NAGA: variants seen among roughly 807,000 people sequenced by gnomAD.
NAGA encodes the protein Acetylgalactosaminidase, alpha-N- (alpha-galactosidase B).
A neutral mutation model predicts 45.6 loss-of-function variants in NAGA; 42 were observed. The observed-to-expected ratio is 0.92, with a 90% CI of 0.72 to 1.19. The LOEUF is 1.19. Ranked by LOEUF, NAGA falls within the 50% of genes most tolerant of loss-of-function variation. The pLI is 0.00. For missense variants in NAGA, 493 were observed against 544.8 expected (o/e 0.90, Z 0.95); for synonymous variants, 176 against 203.1 (o/e 0.87, Z 1.13).
At chr22:42,066,643 T>C in intron 5 of NAGA, 67 bp downstream of exon 5, 1 of 1,443,320 alleles carries the variant, frequency 6.9e-7, no homozygotes, top group South Asian at 1.2e-5. Flanking sequence ...CCCTGAAGCC[T>C]GGCACTCAGG....
chr22:42,067,823 C>A lies in NAGA; in HGVS notation c.266G>T (p.Gly89Val). The change falls in exon 3 of 9, where the codon GGC (glycine) becomes GTC (valine). Residue 89 changes from glycine (G) to valine (V), a missense_variant. Physicochemically the swap from Gly to Val is moderately radical, Grantham distance 109. Coordinates refer to ENST00000396398, the MANE Select transcript of NAGA (RefSeq NM_000262.3). ...GCGCTTGGGATCCGGCATCAGGCGG[C>A]CACTGGCATCGCGACCACCGATCCA... The part of the protein sequence containing the change: ...DCWIGGRDAS[G>V]RLMPDPKRFP... 6.2e-7 allele frequency: 1 copy of A among 1,612,350 alleles called. No homozygotes were observed. Among genetic ancestry groups the A allele is most frequent in the Non-Finnish European group, 8.5e-7 (1 of 1,179,942 alleles).
intron 8 of NAGA, 68 bp downstream of exon 8, chr22:42,060,856 C>T: frequency 4.4e-6 from 7 of 1,605,444 alleles, no homozygotes; most frequent in Non-Finnish European, 6.0e-6. Flanking sequence ...TGAACAACCA[C>T]CCCCCATAAT....
intron 7 of NAGA, 101 bp from the exon 8 acceptor site, chr22:42,061,168 C>T (rs1372749265): frequency 2.8e-6 from 4 of 1,434,484 alleles, no homozygotes; most frequent in Middle Eastern, 2.1e-4. Context: ...CAGTTCACAG[C>T]TCCATGTCAC....
intron 7 of NAGA, 42 bp downstream of exon 7, chr22:42,062,785 A>G: frequency 6.2e-7 from 1 of 1,603,474 alleles, no homozygotes; most frequent in South Asian, 1.1e-5. Context: ...AGGAGAACCC[A>G]GTTCCTCAGC....
intron 7 of NAGA, among the ~76,000 whole-genome samples, chr22:42,061,816 G>T (rs758774276): frequency 6.6e-6 from 1 of 152,016 alleles, no homozygotes; most frequent in African/African-American, 2.4e-5. Flanking sequence ...GCCGGGTGTG[G>T]TGGCGCACAC....
At chr22:42,063,110 G>T in intron 6 of NAGA, 86 bp from the exon 7 acceptor site, 2 of 1,321,626 alleles carry the variant, frequency 1.5e-6, no homozygotes, top group Non-Finnish European at 2.1e-6. Flanking sequence ...AGCCGAGGAA[G>T]AGCAATTAGG....
At chr22:42,064,476 T>TAA (rs133365) in intron 6 of NAGA, among the ~76,000 whole-genome samples, 1,973 of 126,074 alleles carry the variant, frequency 0.016, 40 homozygotes, top group East Asian at 0.047. Flanking sequence ...CCATCTCTAC[T>TAA]AAAAAAAAAA....
intron 5 of NAGA, 94 bp from the exon 6 acceptor site, chr22:42,065,993 CAG>C (rs945462079): frequency 1.3e-5 from 19 of 1,481,500 alleles, no homozygotes; most frequent in East Asian, 7.3e-5. Flanking sequence ...GCAGGAGAGA[CAG>C]AGAGTGGGGA....
At position 42,066,758 on chromosome 22, in the gene NAGA, G is replaced by T; in HGVS notation, c.549C>A (p.Ile183=). ...AAALNATGRP[I]AFSCSWPAYE... is the part of the protein sequence containing the mutation. Reference sequence around the variant, plus strand: ...AGGCTGGCCAGCTGCAGGAGAAGGCGATGGGGCGGCCTGTGGCATTCAGGG... The same window carrying T: ...AGGCTGGCCAGCTGCAGGAGAAGGCTATGGGGCGGCCTGTGGCATTCAGGG... Residue 183 remains isoleucine, a synonymous_variant, in exon 5 of 9, where the codon ATC becomes ATA. Transcript: ENST00000396398. 6.2e-7 allele frequency: 1 copy of T among 1,607,336 alleles called. No homozygotes were observed. Among genetic ancestry groups the T allele is most frequent in the East Asian group, 2.2e-5 (1 of 44,620 alleles).
rs1212504728 is a variant in NAGA, at chr22:42,061,057, A to G, written c.968T>C (p.Leu323Pro). 6.2e-7 allele frequency: 1 copy of G among 1,614,128 alleles called. No individual in the cohort carries two copies. Among genetic ancestry groups the G allele is most frequent in the Admixed American group, 1.7e-5 (1 of 60,032 alleles). ...CAGAGGCCGCATGTACACTTCGATG[A>G]GAGATTTTTCCTGGGCACAGAAGGT... ...QGRRIHKEKS[L>P]IEVYMRPLSN... Residue 323 changes from leucine to proline, a missense_variant, in exon 8 of 9, where the codon CTC becomes CCC. By Grantham distance (98) the Leu-to-Pro change is moderately conservative. Transcript: ENST00000396398.
chr22:42,064,321 C>A (rs555310429), intron 6 of NAGA, among the ~76,000 whole-genome samples: 1 of 147,836 alleles, frequency 6.8e-6, no homozygotes, highest in Admixed American at 6.7e-5. Context: ...GCCTGGGCAA[C>A]AAGAGCAAAA....
rs2854831 is a variant in NAGA, at chr22:42,064,819, C to T, written c.759+919G>A. On this transcript the variant is annotated intron_variant, in intron 6 of 8. Coordinates refer to ENST00000396398, the MANE Select transcript of NAGA (RefSeq NM_000262.3). ...AAGGTGACAGTGGTAAGAAACAGAA[C>T]GGGACAAAGTCCCTGTACCTACCAC... Among the ~76,000 whole-genome samples, 609 of 152,214 alleles carry T rather than the reference C, an allele frequency of 4.0e-3. 8 individuals are homozygous for T. Among genetic ancestry groups the T allele is most frequent in the African/African-American group, 0.014 (573 of 41,516 alleles).
chr22:42,069,347 G>C (rs1485377578), intron 1 of NAGA, among the ~76,000 whole-genome samples: 1 of 152,146 alleles, frequency 6.6e-6, no homozygotes, highest in African/African-American at 2.4e-5. Flanking sequence ...AGGCACGGTG[G>C]CTCACTCCTG....
chr22:42,065,960 C>G, intron 5 of NAGA, 61 bp from the exon 6 acceptor site: 4 of 1,590,080 alleles, frequency 2.5e-6, no homozygotes, highest in Non-Finnish European at 3.4e-6. Context: ...CCCAGGGACC[C>G]ACACAGGAGT....
At chr22:42,063,126 G>A in intron 6 of NAGA, 102 bp from the exon 7 acceptor site, 3 of 1,185,236 alleles carry the variant, frequency 2.5e-6, no homozygotes, top group Non-Finnish European at 3.6e-6. Context: ...TTAGGGATTA[G>A]GGAAAGATGG....
chr22:42,060,364 G>A lies in NAGA; in HGVS notation c.1151C>T (p.Thr384Ile), dbSNP rs1324919513. ...AGGGTTGATGATCACTGTGAAGTTG[G>A]TTTCATCTCGGAGGCCACTGATGAT... ...GDIISGLRDE[T>I]NFTVIINPSG... is the part of the protein sequence containing the mutation. The change falls in exon 9 of 9, where the codon ACC becomes ATC. Residue 384 changes from threonine (T) to isoleucine (I), a missense_variant. By Grantham distance (89) the Thr-to-Ile change is moderately conservative. Transcript: ENST00000396398. 6.2e-7 allele frequency: 1 copy of A among 1,613,774 alleles called. No individual in the cohort carries two copies. The highest frequency in any genetic ancestry group is 1.1e-5 in the South Asian group (1 of 91,048).
At chr22:42,065,610 G>A (rs1446496717) in intron 6 of NAGA, 128 bp downstream of exon 6, 2 of 1,270,494 alleles carry the variant, frequency 1.6e-6, no homozygotes, top group Non-Finnish European at 2.2e-6. Context: ...ACCAGTTCAG[G>A]GACACATTTC....
At chr22:42,067,472 C>T (rs187529059) in intron 3 of NAGA, among the ~76,000 whole-genome samples, 182 bp from the exon 4 acceptor site, 301 of 152,318 alleles carry the variant, frequency 2.0e-3, no homozygotes, top group African/African-American at 6.9e-3. Flanking sequence ...CACCTCCCAG[C>T]GGCTGTTTCT....
chr22:42,067,811 G>A lies in NAGA; in HGVS notation c.278C>T (p.Pro93Leu), dbSNP rs1475549879. The change falls in exon 3 of 9, where the codon CCG becomes CTG. Residue 93 changes from proline to leucine, a missense_variant. Coordinates refer to ENST00000396398, the MANE Select transcript of NAGA (RefSeq NM_000262.3). ...GCCATGAGGGAAGCGCTTGGGATCC[G>A]GCATCAGGCGGCCACTGGCATCGCG... ...GGRDASGRLM[P>L]DPKRFPHGIP... 8 of 1,612,418 alleles carry A rather than the reference G, an allele frequency of 5.0e-6. No homozygotes were observed. Among genetic ancestry groups the A allele is most frequent in the Non-Finnish European group, 6.8e-6 (8 of 1,179,958 alleles).
Sources: gnomAD v4.1 joint callset for allele counts (sites outside exome capture counted in the v4.1 genomes callset) on GRCh38, gnomAD v4.1.1 for gene constraint, MANE v1.5 for transcripts, NCBI Gene and HGNC (gene_info 2026-07-23, HGNC 2026-07-21) for gene names.